MATN2: variants seen among roughly 807,000 people sequenced by gnomAD.
MATN2 encodes matrilin 2.
MATN2 carries 69 observed loss-of-function variants against 103.2 expected under a neutral mutation model. The ratio of observed to expected loss-of-function variants is 0.67; its 90% confidence interval spans 0.55 to 0.82. The LOEUF (loss-of-function observed/expected upper bound fraction) is 0.82, where lower values mean the gene tolerates loss of function less well. Ranked by LOEUF, MATN2 falls within the 40% of genes least tolerant of loss-of-function variation. MATN2 has a pLI of 0.00. For missense variants in MATN2, 1,023 were observed against 1,211.5 expected, an observed-to-expected ratio of 0.84 and a Z score of 2.31; for synonymous variants, 429 against 450.2, an observed-to-expected ratio of 0.95 and a Z score of 0.60.
chr8:98,018,754 A>G (rs935840827), intron 12 of MATN2, among the ~76,000 whole-genome samples: 3 of 152,076 alleles, frequency 2.0e-5, no homozygotes, highest in Non-Finnish European at 1.5e-5. Context: ...AGAATAGCAC[A>G]GGAAAGCCCC....
rs138497095 is a variant in MATN2 at position 97,881,774 on chromosome 8, T to G, written c.-26-6301T>G. 4.2e-4 allele frequency among the ~76,000 whole-genome samples: 64 copies of G among 152,328 alleles called. No individual in the cohort carries two copies. In the East Asian group the frequency reaches 8.9e-3, roughly 21 times the overall value. On this transcript the variant is annotated intron_variant, in intron 1 of 18. Transcript: ENST00000254898. ...AGAAACAACCATTGAGATGGATACA[T>G]GCACTGACTTATTTTTTTCTTGTTT...
intron 2 of MATN2, among the ~76,000 whole-genome samples, chr8:97,911,655 C>T (rs931064255): frequency 6.6e-6 from 1 of 151,260 alleles, no homozygotes; most frequent in Admixed American, 6.6e-5. Context: ...TGTAGTGAGC[C>T]GAGATCACAC....
At chr8:98,016,267 G>A (rs1251283049) in intron 10 of MATN2, among the ~76,000 whole-genome samples, 1 of 152,130 alleles carries the variant, frequency 6.6e-6, no homozygotes, top group Non-Finnish European at 1.5e-5. Context: ...CAGCTATCTG[G>A]GAGGCTGAGA....
At chr8:97,980,668 G>A (rs988425865) in intron 6 of MATN2, among the ~76,000 whole-genome samples, 12 of 147,700 alleles carry the variant, frequency 8.1e-5, no homozygotes, top group African/African-American at 1.5e-4. Context: ...GGGTTCAAGC[G>A]ATTCCCCCAC....
chr8:97,876,477 C>T (rs11774129), intron 1 of MATN2, among the ~76,000 whole-genome samples: 10,545 of 152,152 alleles, frequency 0.069, 489 homozygotes, highest in Non-Finnish European at 0.1. Context: ...GCATGAGCCA[C>T]CGCGCCTGGA....
chr8:97,948,404 A>C (rs1810822770), intron 4 of MATN2, among the ~76,000 whole-genome samples: 1 of 152,124 alleles, frequency 6.6e-6, no homozygotes. Context: ...GAAAAAGATA[A>C]AGTTCATCTT....
chr8:97,904,828 T>C (rs1369482246), intron 2 of MATN2, among the ~76,000 whole-genome samples: 2 of 151,992 alleles, frequency 1.3e-5, no homozygotes, highest in Non-Finnish European at 2.9e-5. Flanking sequence ...CTGGGATCCA[T>C]GTCCCTCAAA....
intron 1 of MATN2, among the ~76,000 whole-genome samples, chr8:97,872,950 C>T (rs1447727874): frequency 6.6e-6 from 1 of 152,134 alleles, no homozygotes; most frequent in Non-Finnish European, 1.5e-5. Context: ...TGAGCTACCA[C>T]ACCTGGCTAA....
intron 7 of MATN2, among the ~76,000 whole-genome samples, chr8:97,998,662 A>AAT (rs1812682874): frequency 1.4e-5 from 2 of 143,710 alleles, no homozygotes; most frequent in Non-Finnish European, 3.1e-5. Context: ...TATTTTTAAA[A>AAT]TTTTAAAAAT....
chr8:98,005,685 G>A lies in MATN2; in HGVS notation c.1328-1420G>A, dbSNP rs1005841254. 6.6e-6 allele frequency among the ~76,000 whole-genome samples: 1 copy of A among 152,210 alleles called. No homozygotes were observed. Among genetic ancestry groups the A allele is most frequent in the African/African-American group, 2.4e-5 (1 of 41,440 alleles). On this transcript the variant is annotated intron_variant, in intron 8 of 18. Transcript: ENST00000254898. The surrounding 1 kb of genome is among the most constrained non-coding windows in gnomAD (Gnocchi z 4.6). ...TCAGGGAGCCCAGGCCATAAAGACA[G>A]CAAGCAATTCTGAGGCGCTCACTCT...
intron 4 of MATN2, among the ~76,000 whole-genome samples, chr8:97,947,613 A>T (rs2130205572): frequency 6.6e-6 from 1 of 152,360 alleles, no homozygotes; most frequent in South Asian, 2.1e-4. Context: ...AATTTAAAAA[A>T]AACCTAAATA....
At chr8:97,888,409 C>T (rs117692475) in intron 2 of MATN2, among the ~76,000 whole-genome samples, 167 bp downstream of exon 2, 1,957 of 152,268 alleles carry the variant, frequency 0.013, 21 homozygotes, top group Non-Finnish European at 0.02. Flanking sequence ...GAGTTGAGCA[C>T]GTGGTTGCAC....
chr8:98,019,356 C>T (rs879300660), intron 12 of MATN2, among the ~76,000 whole-genome samples: 9 of 152,146 alleles, frequency 5.9e-5, no homozygotes, highest in Admixed American at 5.9e-4. Flanking sequence ...AGAGCTGATG[C>T]TGCAGCCCAA....
intron 5 of MATN2, among the ~76,000 whole-genome samples, chr8:97,964,093 G>A (rs576019304): frequency 2.0e-5 from 3 of 152,330 alleles, no homozygotes; most frequent in Admixed American, 6.5e-5. Context: ...GGCAGTGACT[G>A]TGGAGGTGGC....
rs1000463415 is a variant in MATN2, at chr8:97,938,142, C to T, written c.713-3635C>T. On this transcript the variant is annotated intron_variant, in intron 3 of 18. Coordinates refer to ENST00000254898, the MANE Select transcript of MATN2 (RefSeq NM_002380.5). ...CCCACTCATGACAGTGGGTGACTGC[C>T]GTGTAGTTGGTTGCCTACACACTAC... Among the ~76,000 whole-genome samples the T allele has an allele frequency of 4.6e-5, 7 of 152,196 alleles. No individual in the cohort carries two copies. In the East Asian group the frequency reaches 1.2e-3, roughly 25 times the overall value.
chr8:97,872,118 C>A (rs142025308), intron 1 of MATN2, among the ~76,000 whole-genome samples: 13 of 152,190 alleles, frequency 8.5e-5, no homozygotes, highest in Non-Finnish European at 1.9e-4. Context: ...ATTGTCTGAG[C>A]CTTGGTTTAT....
chr8:97,999,486 G>A (rs1006779621), intron 7 of MATN2, among the ~76,000 whole-genome samples: 4 of 152,156 alleles, frequency 2.6e-5, no homozygotes, highest in Non-Finnish European at 4.4e-5. Context: ...GTAGACTGCG[G>A]GCCCTTCCTG....
At chr8:97,972,531 T>C (rs7831054) in intron 5 of MATN2, among the ~76,000 whole-genome samples, 1,581 of 152,336 alleles carry the variant, frequency 0.01, 35 homozygotes, top group African/African-American at 0.035. Context: ...TTTTTCTTAC[T>C]TTGTTATCAG....
rs1262722074 is a variant in MATN2 at position 98,007,644 on chromosome 8, T to G, written c.1573+43T>G. 1 of 1,581,304 alleles carries G rather than the reference T, an allele frequency of 6.3e-7. No individual in the cohort carries two copies. The highest frequency in any genetic ancestry group is 8.6e-7 in the Non-Finnish European group (1 of 1,156,260). On this transcript the variant is annotated intron_variant, in intron 10 of 18. Transcript: ENST00000254898. This position sits in a 1 kb window ranked among gnomAD's most constrained non-coding sequence, Gnocchi z 4.2. ...AAGCAGGACCTGCACAGGTGTTCCG[T>G]GGGTGCCGGTGTGGGTGCGCTGCCG...
Sources: gnomAD v4.1 joint callset for allele counts (sites outside exome capture counted in the v4.1 genomes callset) on GRCh38, gnomAD v4.1.1 for gene constraint, Gnocchi (gnomAD v3.1) non-coding constraint, MANE v1.5 for transcripts, NCBI Gene and HGNC (gene_info 2026-07-23, HGNC 2026-07-21) for gene names.